Variants in GADL1 observed in about 807,000 individuals in gnomAD.
GADL1 encodes acidic amino acid decarboxylase GADL1.
GADL1 carries 71 observed loss-of-function variants against 69.5 expected under a neutral mutation model. That is an observed-to-expected ratio of 1.02 (90% CI 0.84 to 1.25). The LOEUF is 1.25. Among genes scored for constraint, GADL1 ranks in the 50% most tolerant of loss-of-function variants. The probability of loss-of-function intolerance (pLI) is 0.00; values close to 1 mark genes in which losing one functional copy is unlikely to be tolerated. For missense variants in GADL1, 737 were observed against 631.8 expected, an observed-to-expected ratio of 1.17 and a Z score of -1.79; for synonymous variants, 254 against 214.4, an observed-to-expected ratio of 1.18 and a Z score of -1.62.
intron 13 of GADL1, among the ~76,000 whole-genome samples, chr3:30,780,293 G>A (rs1027556892): frequency 1.3e-5 from 2 of 152,092 alleles, no homozygotes; most frequent in African/African-American, 4.8e-5. Context: ...TACCACCAAT[G>A]TAACATCTCA....
At chr3:30,842,367 G>T (rs141527998) in intron 8 of GADL1, among the ~76,000 whole-genome samples, 60 of 152,182 alleles carry the variant, frequency 3.9e-4, no homozygotes, top group African/African-American at 1.4e-3. Flanking sequence ...TCTAGTGGTG[G>T]TATGAGGGTA....
At chr3:30,829,262 T>C (rs927071888) in intron 11 of GADL1, among the ~76,000 whole-genome samples, 18 of 151,870 alleles carry the variant, frequency 1.2e-4, no homozygotes, top group African/African-American at 4.3e-4. Context: ...GGATTAGTGA[T>C]AGTACAACTT....
At chr3:30,891,278 T>A (rs927486633) in intron 1 of GADL1, among the ~76,000 whole-genome samples, 1 of 152,070 alleles carries the variant, frequency 6.6e-6, no homozygotes, top group Non-Finnish European at 1.5e-5. Flanking sequence ...AGAGCACATA[T>A]ACATGCCCCT....
chr3:30,822,142 G>T lies in GADL1; in HGVS notation c.1050+11711C>A, dbSNP rs549932801. 2.0e-5 allele frequency among the ~76,000 whole-genome samples: 3 copies of T among 152,160 alleles called. No homozygotes were observed. The South Asian group carries it at 6.2e-4, about 32-fold the overall frequency. ...GAATAGTTAACATGTGTCACAAAAA[G>T]ATGACAAAATTCCACAACAAGAATA... On this transcript the variant is annotated intron_variant, in intron 11 of 14. Transcript: ENST00000282538.
intron 1 of GADL1, among the ~76,000 whole-genome samples, chr3:30,880,570 A>G (rs1698630207): frequency 6.6e-6 from 1 of 151,974 alleles, no homozygotes; most frequent in Non-Finnish European, 1.5e-5. Context: ...CTCCCCAGCC[A>G]TGTGGAATTG....
At chr3:30,863,538 G>A (rs140514587) in intron 1 of GADL1, among the ~76,000 whole-genome samples, 1 of 152,054 alleles carries the variant, frequency 6.6e-6, no homozygotes, top group African/African-American at 2.4e-5. Context: ...TCCAGCACAA[G>A]CTTTGATTCA....
chr3:30,746,134 G>A (rs1173035611), intron 14 of GADL1, among the ~76,000 whole-genome samples: 1 of 151,942 alleles, frequency 6.6e-6, no homozygotes, highest in African/African-American at 2.4e-5. Flanking sequence ...GATTGCAGGT[G>A]TGTGCCACCA....
intron 1 of GADL1, among the ~76,000 whole-genome samples, chr3:30,862,016 T>C (rs1698328084): frequency 6.6e-6 from 1 of 152,010 alleles, no homozygotes; most frequent in African/African-American, 2.4e-5. Flanking sequence ...CACTCTGTAC[T>C]GGGCTGAGTT....
chr3:30,849,574 T>A (rs1698113765), intron 6 of GADL1, among the ~76,000 whole-genome samples: 1 of 152,038 alleles, frequency 6.6e-6, no homozygotes, highest in African/African-American at 2.4e-5. Flanking sequence ...ATTGTTACTG[T>A]ATATCTTTCT....
chr3:30,879,977 C>G lies in GADL1; in HGVS notation c.37+14601G>C, dbSNP rs73823944. 5.9e-3 allele frequency among the ~76,000 whole-genome samples: 904 copies of G among 152,000 alleles called. 6 individuals are homozygous for G. The highest frequency in any genetic ancestry group is 0.021 in the African/African-American group (862 of 41,510). On this transcript the variant is annotated intron_variant, in intron 1 of 14. Coordinates refer to ENST00000282538, the MANE Select transcript of GADL1 (RefSeq NM_207359.3). ...CAGTAACTGCCTTTCTCTTTGCATT[C>G]TACTTACAAAGATCAGAATCTTTCA... is the stretch of plus-strand genomic sequence containing the variant.
intron 11 of GADL1, among the ~76,000 whole-genome samples, chr3:30,804,398 GT>G (rs2125508748): frequency 6.6e-6 from 1 of 152,298 alleles, no homozygotes; most frequent in African/African-American, 2.4e-5. Context: ...CAAAGATTCT[GT>G]TTTTGACTAA....
At chr3:30,746,339 C>T (rs1011486719) in intron 14 of GADL1, among the ~76,000 whole-genome samples, 1 of 152,144 alleles carries the variant, frequency 6.6e-6, no homozygotes, top group African/African-American at 2.4e-5. Context: ...AGGTACCACT[C>T]ACTGCAGACC....
At chr3:30,886,263 G>A in intron 1 of GADL1, among the ~76,000 whole-genome samples, 1 of 151,994 alleles carries the variant, frequency 6.6e-6, no homozygotes, top group East Asian at 1.9e-4. Context: ...TGGAATTTGA[G>A]GATTAGATTG....
chr3:30,833,804 A>G (rs766911032), intron 11 of GADL1, 49 bp downstream of exon 11: 2 of 1,334,366 alleles, frequency 1.5e-6, no homozygotes. Context: ...TGGCAAGCAC[A>G]GTGGCTTAAC....
intron 14 of GADL1, among the ~76,000 whole-genome samples, chr3:30,759,962 G>A (rs1439537956): frequency 2.6e-5 from 4 of 152,142 alleles, no homozygotes; most frequent in Admixed American, 6.5e-5. Flanking sequence ...AAAGATTCAC[G>A]GAGCCACAGC....
At chr3:30,759,257 TTAA>T (rs1304956771) in intron 14 of GADL1, among the ~76,000 whole-genome samples, 1 of 67,218 alleles carries the variant, frequency 1.5e-5, no homozygotes, top group Non-Finnish European at 3.8e-5. Flanking sequence ...ATGTAAATCT[TTAA>T]TTATCTATAA....
intron 1 of GADL1, among the ~76,000 whole-genome samples, chr3:30,876,719 T>C (rs904042822): frequency 2.6e-5 from 4 of 151,908 alleles, no homozygotes; most frequent in African/African-American, 9.7e-5. Flanking sequence ...TGTGAAGATC[T>C]AAAAAATAAA....
intron 1 of GADL1, among the ~76,000 whole-genome samples, chr3:30,873,101 T>C (rs1698515263): frequency 1.3e-5 from 2 of 152,002 alleles, no homozygotes; most frequent in South Asian, 2.1e-4. Flanking sequence ...AAAAGAAATA[T>C]AATGCAAGCC....
In GADL1 at chr3:30,836,406, A is replaced by AAAAC. The variant is rs202223247; in HGVS notation, c.904-2126_904-2125insGTTT. On this transcript the variant is annotated intron_variant, in intron 9 of 14. Coordinates refer to ENST00000282538, the MANE Select transcript of GADL1 (RefSeq NM_207359.3). ...CCATAAATTTATTCCTTAAAAAAAA[A>AAAAC]AAAACACCCCTGATGTAAATGCCCT... Among the ~76,000 whole-genome samples the AAAAC allele has an allele frequency of 9.5e-3, 1,436 of 151,546 alleles. 21 individuals carry two copies. Among genetic ancestry groups the AAAAC allele is most frequent in the African/African-American group, 0.033 (1,357 of 41,230 alleles).
Sources: gnomAD v4.1 joint callset for allele counts (sites outside exome capture counted in the v4.1 genomes callset) on GRCh38, gnomAD v4.1.1 for gene constraint, MANE v1.5 for transcripts, NCBI Gene and HGNC (gene_info 2026-07-23, HGNC 2026-07-21) for gene names.